Variants in C19orf38 observed in about 807,000 individuals in gnomAD.
C19orf38 encodes chromosome 19 open reading frame 38, also known as protein HIDE1.
A neutral mutation model predicts 26.6 loss-of-function variants in C19orf38; 14 were observed. The ratio of observed to expected loss-of-function variants is 0.53; its 90% CI spans 0.35 to 0.82. The LOEUF is 0.82. Among genes scored for constraint, C19orf38 ranks in the 40% least tolerant of loss-of-function variants. C19orf38 has a pLI of 0.01. For synonymous variants in C19orf38, 132 were observed against 128.5 expected (o/e 1.03, Z -0.18); for missense variants, 261 against 299.5 (o/e 0.87, Z 0.95).
At chr19:10,853,519 C>A (rs1297020330) in intron 2 of C19orf38, among the ~76,000 whole-genome samples, 2 of 151,704 alleles carry the variant, frequency 1.3e-5, no homozygotes, top group Non-Finnish European at 2.9e-5. Flanking sequence ...CTCCTGACCT[C>A]AGGTGTTCTG....
At chr19:10,860,565 G>A (rs2073687252) in intron 5 of C19orf38, among the ~76,000 whole-genome samples, 1 of 136,382 alleles carries the variant, frequency 7.3e-6, no homozygotes, top group Non-Finnish European at 1.6e-5. Context: ...AAAAAGGCCA[G>A]GCGTGGTGGC....
intron 1 of C19orf38, chr19:10,842,263 AC>A: frequency 1.8e-6 from 2 of 1,117,326 alleles, no homozygotes; most frequent in Non-Finnish European, 1.3e-6. Flanking sequence ...TGAATAAAAT[AC>A]TTTTTTTTTT....
chr19:10,837,474 T>G (rs894609559), intron 1 of C19orf38, among the ~76,000 whole-genome samples: 1 of 150,422 alleles, frequency 6.6e-6, no homozygotes, highest in South Asian at 2.3e-4. Context: ...CCTTTTCTTT[T>G]TTTTCTTTTT....
chr19:10,866,945 T>A (rs1347043647), intron 6 of C19orf38, among the ~76,000 whole-genome samples: 1 of 151,734 alleles, frequency 6.6e-6, no homozygotes, highest in Non-Finnish European at 1.5e-5. Flanking sequence ...CCAGCCTAAT[T>A]TTTGTATAAT....
At chr19:10,857,355 T>TATATAC (rs2073637585) in intron 3 of C19orf38, among the ~76,000 whole-genome samples, 4 of 82,874 alleles carry the variant, frequency 4.8e-5, no homozygotes, top group Non-Finnish European at 8.3e-5. Context: ...TATATATATA[T>TATATAC]ATATATATAT....
At chr19:10,852,234 GGA>G (rs1229076648) in intron 2 of C19orf38, among the ~76,000 whole-genome samples, 5 of 152,016 alleles carry the variant, frequency 3.3e-5, no homozygotes, top group Non-Finnish European at 5.9e-5. Context: ...AGAGTAGCTG[GGA>G]TTACAGATGT....
chr19:10,864,185 G>T (rs892635239), intron 6 of C19orf38, among the ~76,000 whole-genome samples: 1 of 151,862 alleles, frequency 6.6e-6, no homozygotes, highest in Non-Finnish European at 1.5e-5. Flanking sequence ...TCAGCCTCCC[G>T]GGCAGCTGGG....
chr19:10,856,281 G>T lies in C19orf38; in HGVS notation c.357G>T (p.Leu119Phe). 6.4e-7 allele frequency: 1 copy of T among 1,551,082 alleles called. No homozygotes were observed. The highest frequency in any genetic ancestry group is 8.7e-7 in the Non-Finnish European group (1 of 1,146,512). The stretch of plus-strand genomic sequence containing the variant: ...TTCCTCCAGTGCCCACTTGGATCTT[G>T]GTGCTCTCCCTGAGCCTGGCTGGTG... ...NVSFPVPTWILVLSLSLAGAL... is the reference protein window; with the variant it reads ...NVSFPVPTWIFVLSLSLAGAL... Residue 119 changes from leucine to phenylalanine, a missense_variant, in exon 3 of 7, where the codon TTG becomes TTT. Leu to Phe is a conservative substitution (Grantham distance 22, BLOSUM62 0). Transcript: ENST00000397820.
chr19:10,850,149 TCA>T (rs2073554588), intron 1 of C19orf38, 108 bp from the exon 2 acceptor site: 5 of 1,087,322 alleles, frequency 4.6e-6, no homozygotes, highest in Non-Finnish European at 3.9e-6. Flanking sequence ...GCCTCCTGAC[TCA>T]CAGAAAACAC....
chr19:10,862,726 G>A (rs1267516784), intron 5 of C19orf38, among the ~76,000 whole-genome samples: 3 of 152,110 alleles, frequency 2.0e-5, no homozygotes, highest in Admixed American at 6.6e-5. Context: ...GCTATTAGGA[G>A]GCTGAGGCAG....
At chr19:10,854,008 G>A (rs1026518172) in intron 2 of C19orf38, among the ~76,000 whole-genome samples, 1 of 150,134 alleles carries the variant, frequency 6.7e-6, no homozygotes, top group African/African-American at 2.5e-5. Flanking sequence ...AGCCATGATC[G>A]CACCACTGCA....
At position 10,865,442 on chromosome 19, in the gene C19orf38, C is replaced by T. The variant is rs566989173; in HGVS notation, c.543+2235C>T. On this transcript the variant is annotated intron_variant, in intron 6 of 6. Coordinates refer to ENST00000397820, the MANE Select transcript of C19orf38 (RefSeq NM_001136482.3). The stretch of plus-strand genomic sequence containing the variant: ...GATTACAGGCATGAGCCACCATGCC[C>T]GGCCTTTTATTTGTTTTTTTACTTT... Among the ~76,000 whole-genome samples the T allele has an allele frequency of 8.5e-5, 13 of 152,174 alleles. No homozygotes were observed. The East Asian group carries it at 1.9e-3, about 23-fold the overall frequency.
chr19:10,844,926 G>A (rs2073505302), upstream of C19orf38, among the ~76,000 whole-genome samples: 1 of 150,286 alleles, frequency 6.7e-6, no homozygotes, highest in Non-Finnish European at 1.5e-5. Flanking sequence ...GGGAGCCCAA[G>A]GTGGGAGGAT....
chr19:10,847,518 C>T (rs1001393117), upstream of C19orf38, among the ~76,000 whole-genome samples: 15 of 151,938 alleles, frequency 9.9e-5, no homozygotes, highest in South Asian at 6.2e-4. Flanking sequence ...GGATTACAGG[C>T]GTGTGCCACC....
chr19:10,862,592 G>A (rs2073711552), intron 5 of C19orf38, among the ~76,000 whole-genome samples: 1 of 152,114 alleles, frequency 6.6e-6, no homozygotes. Flanking sequence ...CATTTTGGGA[G>A]GCCGAGGCAG....
chr19:10,842,105 T>C, intron 1 of C19orf38: 1 of 1,580,884 alleles, frequency 6.3e-7, no homozygotes, highest in South Asian at 1.1e-5. Context: ...CCGTAGGTAA[T>C]GCTGCTGTAT....
At chr19:10,857,322 A>G (rs937776188) in intron 3 of C19orf38, among the ~76,000 whole-genome samples, 1 of 114,940 alleles carries the variant, frequency 8.7e-6, no homozygotes, top group African/African-American at 3.7e-5. Flanking sequence ...ATATATACAT[A>G]CACACACACA....
At chr19:10,857,355 TATATATA>T (rs1346593074) in intron 3 of C19orf38, among the ~76,000 whole-genome samples, 1 of 82,874 alleles carries the variant, frequency 1.2e-5, no homozygotes, top group African/African-American at 9.2e-5. Context: ...TATATATATA[TATATATA>T]TATATTTTTT....
chr19:10,861,658 A>G (rs1440726371), intron 5 of C19orf38, among the ~76,000 whole-genome samples: 1 of 151,796 alleles, frequency 6.6e-6, no homozygotes, highest in Non-Finnish European at 1.5e-5. Flanking sequence ...GCTTACTGCA[A>G]CCTCTGCCTC....
Sources: allele counts gnomAD v4.1 joint callset (sites outside exome capture counted in the v4.1 genomes callset), GRCh38; gene constraint gnomAD v4.1.1; transcripts MANE v1.5; gene names NCBI Gene and HGNC (gene_info 2026-07-23, HGNC 2026-07-21).